Variants in MEOX2 observed in about 807,000 individuals in gnomAD.
The protein encoded by MEOX2 is mesenchyme homeobox 2, also known as homeobox protein MOX-2.
MEOX2 carries 11 observed loss-of-function variants against 27.0 expected under a neutral mutation model. The ratio of observed to expected loss-of-function variants is 0.41; its 90% CI spans 0.26 to 0.68. The LOEUF (loss-of-function observed/expected upper bound fraction) is 0.68, where lower values mean the gene tolerates loss of function less well. MEOX2 is among the 30% of genes least tolerant of loss of function. The pLI, the probability that MEOX2 is intolerant of heterozygous loss-of-function variation, is 0.33. For synonymous variants in MEOX2, 189 were observed against 155.4 expected, an observed-to-expected ratio of 1.22 and a Z score of -1.61; for missense variants, 436 against 385.4, an observed-to-expected ratio of 1.13 and a Z score of -1.10.
chr7:15,684,183 T>A (rs1191018277), intron 1 of MEOX2, among the ~76,000 whole-genome samples: 4 of 152,146 alleles, frequency 2.6e-5, no homozygotes, highest in African/African-American at 9.7e-5. Flanking sequence ...CATGTAGGTT[T>A]CTCATTGCAA....
chr7:15,618,423 C>T (rs1016088837), intron 2 of MEOX2, among the ~76,000 whole-genome samples: 7 of 151,908 alleles, frequency 4.6e-5, no homozygotes, highest in African/African-American at 1.4e-4. Flanking sequence ...TATTCTGAGC[C>T]ACTACTTCAT....
chr7:15,654,740 CT>C (rs752495363), intron 1 of MEOX2, among the ~76,000 whole-genome samples: 1 of 151,628 alleles, frequency 6.6e-6, no homozygotes, highest in Admixed American at 6.6e-5. Flanking sequence ...ACAGTAAACA[CT>C]ACTTGATCAT....
At chr7:15,669,198 T>C (rs1002018609) in intron 1 of MEOX2, among the ~76,000 whole-genome samples, 5 of 152,262 alleles carry the variant, frequency 3.3e-5, no homozygotes, top group African/African-American at 1.2e-4. Context: ...AGGTTTTCTC[T>C]ACACTTCTTC....
intron 2 of MEOX2, 57 bp from the exon 3 acceptor site, chr7:15,612,668 T>A (rs1781051545): frequency 1.4e-6 from 2 of 1,478,410 alleles, no homozygotes. Flanking sequence ...AAAGTGACAT[T>A]TTTTTCTCCT....
intron 1 of MEOX2, among the ~76,000 whole-genome samples, chr7:15,642,266 T>G (rs1033793763): frequency 4.6e-5 from 7 of 152,208 alleles, no homozygotes; most frequent in Non-Finnish European, 1.0e-4. Context: ...CAGGTTTGTT[T>G]GCATCACATA....
rs191837923 is a variant in MEOX2, at chr7:15,621,899, A to C, written c.690+4847T>G. On this transcript the variant is annotated intron_variant, in intron 2 of 2. Transcript: ENST00000262041. ...TTTGGGAGGCCGAGGCTGGTGGATC[A>C]CGAGGTCAGGAGTTCAAGACCAGCC... Among the ~76,000 whole-genome samples the C allele has an allele frequency of 4.8e-3, 726 of 152,266 alleles. 7 individuals carry two copies. The highest frequency in any genetic ancestry group is 0.016 in the African/African-American group (679 of 41,548).
intron 1 of MEOX2, among the ~76,000 whole-genome samples, chr7:15,660,088 G>A (rs1781888026): frequency 6.6e-6 from 1 of 152,150 alleles, no homozygotes; most frequent in Non-Finnish European, 1.5e-5. Flanking sequence ...GCTAAGGATG[G>A]CTTCTAGGAG....
intron 1 of MEOX2, among the ~76,000 whole-genome samples, chr7:15,627,382 G>A (rs562379173): frequency 6.6e-6 from 1 of 152,146 alleles, no homozygotes; most frequent in African/African-American, 2.4e-5. Flanking sequence ...AAAATTTTAT[G>A]CTCAGACTGA....
chr7:15,627,363 G>A (rs1295735351), intron 1 of MEOX2, among the ~76,000 whole-genome samples: 1 of 151,952 alleles, frequency 6.6e-6, no homozygotes, highest in Non-Finnish European at 1.5e-5. Flanking sequence ...TTTAGCAACT[G>A]GACCATAAAA....
chr7:15,648,417 A>G (rs1435444456), intron 1 of MEOX2, among the ~76,000 whole-genome samples: 1 of 152,154 alleles, frequency 6.6e-6, no homozygotes, highest in Non-Finnish European at 1.5e-5. Flanking sequence ...AGCGTAAATT[A>G]CATCCCAGAG....
At chr7:15,625,988 T>C (rs186392173) in intron 2 of MEOX2, among the ~76,000 whole-genome samples, 1 of 152,170 alleles carries the variant, frequency 6.6e-6, no homozygotes, top group African/African-American at 2.4e-5. Context: ...ATTTCAAAAA[T>C]ATTTTGGGTA....
At position 15,660,843 on chromosome 7, in the gene MEOX2, G is replaced by T. The variant is rs568350792; in HGVS notation, c.517+25043C>A. Among the ~76,000 whole-genome samples, 4 of 151,760 alleles carry T rather than the reference G, an allele frequency of 2.6e-5. 1 individual carries two copies. The highest frequency in any genetic ancestry group is 2.0e-4 in the East Asian group (1 of 5,124). ...TCAAGACCAACCTGGCCAACATGGTGAAATCCTACCTCTACAAAAATCAGC... is the reference window on the plus strand; with the variant it reads ...TCAAGACCAACCTGGCCAACATGGTTAAATCCTACCTCTACAAAAATCAGC... On this transcript the variant is annotated intron_variant, in intron 1 of 2. Coordinates refer to ENST00000262041, the MANE Select transcript of MEOX2 (RefSeq NM_005924.5).
intron 1 of MEOX2, among the ~76,000 whole-genome samples, chr7:15,629,790 T>A (rs1781372638): frequency 2.0e-5 from 3 of 152,050 alleles, no homozygotes; most frequent in Admixed American, 6.6e-5. Context: ...TCTTTACAGT[T>A]TCCAAACCCT....
chr7:15,651,079 G>C (rs1310355971), intron 1 of MEOX2, among the ~76,000 whole-genome samples: 1 of 151,990 alleles, frequency 6.6e-6, no homozygotes, highest in Non-Finnish European at 1.5e-5. Flanking sequence ...GCTTGGACCA[G>C]CCTGTGAAAG....
At chr7:15,616,001 T>A (rs1290961082) in intron 2 of MEOX2, among the ~76,000 whole-genome samples, 1 of 152,132 alleles carries the variant, frequency 6.6e-6, no homozygotes, top group Admixed American at 6.6e-5. Context: ...TGATTTTAGA[T>A]ATATTATGGC....
At chr7:15,641,835 T>C (rs908242587) in intron 1 of MEOX2, among the ~76,000 whole-genome samples, 3 of 152,122 alleles carry the variant, frequency 2.0e-5, no homozygotes, top group Admixed American at 6.5e-5. Flanking sequence ...TAGTGTTTGC[T>C]TGTTTGAAAA....
rs549107357 is a variant in MEOX2 at position 15,641,956 on chromosome 7, G to C, written c.518-15038C>G. On this transcript the variant is annotated intron_variant, in intron 1 of 2. Coordinates refer to ENST00000262041, the MANE Select transcript of MEOX2 (RefSeq NM_005924.5). The stretch of plus-strand genomic sequence containing the variant: ...ATGAGCCCCCAATCTCTTCTGGCCT[G>C]TAAAATCTCTGCTGAGAAATCTTCT... 5.3e-5 allele frequency among the ~76,000 whole-genome samples: 8 copies of C among 152,260 alleles called. No homozygotes were observed. The South Asian group carries it at 1.7e-3, about 32-fold the overall frequency.
chr7:15,658,521 T>C (rs1409632410), intron 1 of MEOX2, among the ~76,000 whole-genome samples: 1 of 152,212 alleles, frequency 6.6e-6, no homozygotes, highest in Non-Finnish European at 1.5e-5. Flanking sequence ...AATTCTGGTA[T>C]TAATGAGGCA....
chr7:15,653,863 T>C (rs1292760315), intron 1 of MEOX2, among the ~76,000 whole-genome samples: 1 of 151,978 alleles, frequency 6.6e-6, no homozygotes. Context: ...TTCTTATCAC[T>C]TCATTCTCCC....
Sources: gnomAD v4.1 joint callset for allele counts (sites outside exome capture counted in the v4.1 genomes callset) on GRCh38, gnomAD v4.1.1 for gene constraint, MANE v1.5 for transcripts, NCBI Gene and HGNC (gene_info 2026-07-23, HGNC 2026-07-21) for gene names.